The following IQCK variants were observed in gnomAD, a reference collection of about 807,000 sequenced individuals.
IQCK encodes the protein IQ motif containing K.
Under a neutral mutation model 28.1 loss-of-function variants are expected in IQCK, and 29 were observed. That is an observed-to-expected ratio of 1.03 (90% CI 0.77 to 1.41). The LOEUF (loss-of-function observed/expected upper bound fraction) is 1.41, where lower values mean the gene tolerates loss of function less well. IQCK is among the 40% of genes most tolerant of loss of function. IQCK has a pLI of 0.00. For synonymous variants in IQCK, 113 were observed against 115.1 expected, an observed-to-expected ratio of 0.98 and a Z score of 0.12; for missense variants, 359 against 314.7, an observed-to-expected ratio of 1.14 and a Z score of -1.07.
intron 9 of IQCK, among the ~76,000 whole-genome samples, chr16:19,846,594 A>G (rs1018050609): frequency 6.6e-6 from 1 of 152,178 alleles, no homozygotes; most frequent in African/African-American, 2.4e-5. Flanking sequence ...GAAAGCTGCA[A>G]TTACTGCTCA....
intron 6 of IQCK, 194 bp downstream of exon 6, chr16:19,764,306 G>A: frequency 4.3e-6 from 2 of 465,890 alleles, no homozygotes; most frequent in Non-Finnish European, 3.8e-6. Flanking sequence ...TTTCATTCAA[G>A]AAGCACTCCA....
intron 5 of IQCK, 44 bp from the exon 6 acceptor site, chr16:19,763,991 G>C: frequency 6.2e-7 from 1 of 1,604,068 alleles, no homozygotes; most frequent in Non-Finnish European, 8.5e-7. Flanking sequence ...TTGAATTCTT[G>C]CTTATTGTTT....
intron 1 of IQCK, among the ~76,000 whole-genome samples, chr16:19,725,228 C>T (rs1033123593): frequency 6.6e-6 from 1 of 152,012 alleles, no homozygotes; most frequent in Non-Finnish European, 1.5e-5. Context: ...TTTTTTGAGA[C>T]AGGCTGTCGC....
chr16:19,730,522 G>A (rs1438495010), intron 2 of IQCK, 28 bp downstream of exon 2: 1 of 1,529,416 alleles, frequency 6.5e-7, no homozygotes, highest in Non-Finnish European at 8.9e-7. Flanking sequence ...CTCAACCGAA[G>A]CAAGAAGCTC....
At chr16:19,822,067 CAAAAAAAA>C (rs35060834) in intron 7 of IQCK, among the ~76,000 whole-genome samples, 1 of 64,628 alleles carries the variant, frequency 1.5e-5, no homozygotes, top group African/African-American at 5.0e-5. Context: ...GACCCTGTCT[CAAAAAAAA>C]AAAAAAAACA....
At chr16:19,828,857 A>T (rs952669050), downstream of IQCK, among the ~76,000 whole-genome samples, 51 of 144,182 alleles carry the variant, frequency 3.5e-4, no homozygotes, top group African/African-American at 9.7e-4. Flanking sequence ...TCTCAAAAAA[A>T]ATATATATAT....
At chr16:19,753,693 A>G (rs1420063302) in intron 4 of IQCK, among the ~76,000 whole-genome samples, 1 of 152,038 alleles carries the variant, frequency 6.6e-6, no homozygotes, top group African/African-American at 2.4e-5. Context: ...AGGAAACTAG[A>G]AGGCCCCAAG....
At chr16:19,785,832 CAG>C (rs2151730472) in intron 6 of IQCK, among the ~76,000 whole-genome samples, 1 of 152,310 alleles carries the variant, frequency 6.6e-6, no homozygotes, top group Non-Finnish European at 1.5e-5. Context: ...TCCCACACTG[CAG>C]AGTGTACTTT....
intron 9 of IQCK, among the ~76,000 whole-genome samples, chr16:19,834,961 C>T (rs1258145691): frequency 1.3e-5 from 2 of 152,152 alleles, no homozygotes; most frequent in Non-Finnish European, 2.9e-5. Context: ...TTTTCCCATT[C>T]ATCTATCAAC....
chr16:19,745,015 T>C (rs2054888911), intron 4 of IQCK, among the ~76,000 whole-genome samples: 1 of 152,200 alleles, frequency 6.6e-6, no homozygotes, highest in Admixed American at 6.5e-5. Context: ...AAGAATCACA[T>C]GGAAGATGGG....
chr16:19,754,146 CACTT>C lies in IQCK; in HGVS notation c.475-9698_475-9695del, dbSNP rs765902378. ...GGAGTTAACCATCTGCACCTACTGT[CACTT>C]ACTACCCAGGTCAGGAGCTGCAGGG... On this transcript the variant is annotated intron_variant, in intron 4 of 7. Transcript: ENST00000564186. Among the ~76,000 whole-genome samples the C allele has an allele frequency of 2.4e-3, 372 of 152,232 alleles. 5 individuals carry two copies. Among genetic ancestry groups the C allele is most frequent in the Non-Finnish European group, 1.4e-3 (96 of 68,004 alleles).
At chr16:19,811,528 T>A (rs2055905329) in intron 7 of IQCK, among the ~76,000 whole-genome samples, 1 of 152,164 alleles carries the variant, frequency 6.6e-6, no homozygotes, top group Non-Finnish European at 1.5e-5. Context: ...TTAAAGGGAC[T>A]TTAACAAAAA....
At chr16:19,752,854 G>A (rs548695012) in intron 4 of IQCK, among the ~76,000 whole-genome samples, 65 of 152,232 alleles carry the variant, frequency 4.3e-4, no homozygotes, top group African/African-American at 1.5e-3. Flanking sequence ...ATGAGCCATC[G>A]TGCCCGGACC....
chr16:19,767,766 G>A lies in IQCK; in HGVS notation c.605+3654G>A, dbSNP rs192575918. Reference sequence around the variant, plus strand: ...CCCTGGGGGTGAAGCCCTAGCCAGGGACCACGCCCTCCTCTACGGAGCACT... The same window carrying A: ...CCCTGGGGGTGAAGCCCTAGCCAGGAACCACGCCCTCCTCTACGGAGCACT... On this transcript the variant is annotated intron_variant, in intron 6 of 7. Transcript: ENST00000564186. Among the ~76,000 whole-genome samples, 782 of 151,912 alleles carry A rather than the reference G, an allele frequency of 5.1e-3. 2 individuals are homozygous for A. The highest frequency in any genetic ancestry group is 0.016 in the South Asian group (77 of 4,808).
exon 1 of IQCK, chr16:19,718,292 G>C: frequency 6.3e-7 from 1 of 1,596,786 alleles, no homozygotes; most frequent in Non-Finnish European, 8.5e-7. Flanking sequence ...CGCGGTTACC[G>C]TGGAAACCGC....
chr16:19,828,648 G>T (rs990886402), downstream of IQCK, among the ~76,000 whole-genome samples: 1 of 150,482 alleles, frequency 6.6e-6, no homozygotes, highest in Non-Finnish European at 1.5e-5. Context: ...GGCCTGAGGC[G>T]GGTGGATCAC....
intron 1 of IQCK, among the ~76,000 whole-genome samples, chr16:19,724,011 G>A (rs892488560): frequency 6.6e-6 from 1 of 151,482 alleles, no homozygotes; most frequent in African/African-American, 2.4e-5. Context: ...GCCCTGATGG[G>A]CCAGACTCCT....
chr16:19,848,835 A>G (rs1218822115), intron 9 of IQCK, among the ~76,000 whole-genome samples: 6 of 152,198 alleles, frequency 3.9e-5, no homozygotes, highest in Non-Finnish European at 2.9e-5. Flanking sequence ...TTTTATTAGC[A>G]AGCACATTGA....
chr16:19,723,670 C>T (rs1294399160), intron 1 of IQCK, among the ~76,000 whole-genome samples: 1 of 152,112 alleles, frequency 6.6e-6, no homozygotes, highest in Non-Finnish European at 1.5e-5. Flanking sequence ...ATGCAGCTTC[C>T]TGGCCGGGCG....
Sources: allele counts gnomAD v4.1 joint callset (sites outside exome capture counted in the v4.1 genomes callset), GRCh38; gene constraint gnomAD v4.1.1; transcripts MANE v1.5; gene names NCBI Gene and HGNC (gene_info 2026-07-23, HGNC 2026-07-21).